Variants in UHRF2 observed in about 807,000 individuals in gnomAD.
UHRF2 encodes the protein E3 ubiquitin-protein ligase UHRF2.
Under a neutral mutation model 96.8 loss-of-function variants are expected in UHRF2, and 23 were observed. The ratio of observed to expected loss-of-function variants is 0.24; its 90% CI spans 0.17 to 0.34. The LOEUF is 0.34. Ranked by LOEUF, UHRF2 falls within the 10% of genes least tolerant of loss-of-function variation. The probability of loss-of-function intolerance (pLI) is 1.00; values close to 1 mark genes in which losing one functional copy is unlikely to be tolerated. For missense variants in UHRF2, 685 were observed against 981.5 expected (o/e 0.70, Z 4.04); for synonymous variants, 385 against 332.6 (o/e 1.16, Z -1.72).
chr9:6,460,146 A>G (rs1404471223), intron 3 of UHRF2, among the ~76,000 whole-genome samples: 1 of 152,268 alleles, frequency 6.6e-6, no homozygotes, highest in Non-Finnish European at 1.5e-5. Context: ...AAGTGCCATT[A>G]CAAATATTCA....
chr9:6,475,448 G>A lies in UHRF2; in HGVS notation c.921G>A (p.Lys307=). 1 of 1,592,778 alleles carries A rather than the reference G, an allele frequency of 6.3e-7. No individual in the cohort carries two copies. Among genetic ancestry groups the A allele is most frequent in the East Asian group, 2.3e-5 (1 of 44,080 alleles). ...TAATATCTGTAGATGAAATCTTCAAGATTGAGAGACCTGGAGCCCATCCCC... is the reference window on the plus strand; with the variant it reads ...TAATATCTGTAGATGAAATCTTCAAAATTGAGAGACCTGGAGCCCATCCCC... The part of the protein sequence containing the change: ...CKIISVDEIF[K]IERPGAHPLS... The change falls in exon 5 of 16, where the codon AAG becomes AAA. Residue 307 remains lysine, a synonymous_variant. Transcript: ENST00000276893.
intron 4 of UHRF2, among the ~76,000 whole-genome samples, chr9:6,463,618 A>G (rs1189001812): frequency 2.0e-5 from 3 of 151,894 alleles, no homozygotes; most frequent in Non-Finnish European, 1.5e-5. Context: ...CTACAGGCGC[A>G]TGCCACCATG....
intron 9 of UHRF2, among the ~76,000 whole-genome samples, chr9:6,491,294 T>C (rs140977224): frequency 5.9e-5 from 9 of 152,362 alleles, no homozygotes; most frequent in African/African-American, 2.2e-4. Flanking sequence ...GGCGATTTAC[T>C]GAACCTCTGC....
chr9:6,477,920 T>C, intron 6 of UHRF2, 112 bp downstream of exon 6: 1 of 942,332 alleles, frequency 1.1e-6, no homozygotes, highest in South Asian at 1.9e-5. Context: ...GTGCTTAAAA[T>C]GTTATGGCCA....
intron 4 of UHRF2, among the ~76,000 whole-genome samples, chr9:6,473,212 T>A (rs1242796863): frequency 6.6e-6 from 1 of 152,188 alleles, no homozygotes; most frequent in Non-Finnish European, 1.5e-5. Context: ...AAGCTCCCAC[T>A]GGTCAAAGAT....
chr9:6,466,501 C>G (rs1822865132), intron 4 of UHRF2, among the ~76,000 whole-genome samples: 2 of 142,268 alleles, frequency 1.4e-5, no homozygotes, highest in Non-Finnish European at 1.5e-5. Flanking sequence ...GATCACGCCA[C>G]TGTACTCCAG....
rs968546930 is a variant in UHRF2, at chr9:6,428,415, C to G, written c.385-5499C>G. 8.6e-5 allele frequency among the ~76,000 whole-genome samples: 13 copies of G among 151,640 alleles called. No homozygotes were observed. The South Asian group carries it at 2.5e-3, about 29-fold the overall frequency. On this transcript the variant is annotated intron_variant, in intron 2 of 15. Transcript: ENST00000276893. The stretch of plus-strand genomic sequence containing the variant: ...TAATCATTTCTTTGTTCTTTACTAA[C>G]TTTCTTATTAATATTAACCTTTAAC...
intron 14 of UHRF2, among the ~76,000 whole-genome samples, chr9:6,502,141 A>G (rs925867585): frequency 6.6e-6 from 1 of 152,238 alleles, no homozygotes; most frequent in Non-Finnish European, 1.5e-5. Context: ...GTGACTTTAA[A>G]TAAATACATA....
intron 9 of UHRF2, among the ~76,000 whole-genome samples, chr9:6,491,539 T>A (rs1824660055): frequency 6.6e-6 from 1 of 152,110 alleles, no homozygotes; most frequent in African/African-American, 2.4e-5. Flanking sequence ...GTTTGGAGAA[T>A]GTTTGTCTTC....
chr9:6,498,260 T>TG, intron 12 of UHRF2, 102 bp downstream of exon 12: 1 of 1,283,688 alleles, frequency 7.8e-7, no homozygotes, highest in Non-Finnish European at 1.1e-6. Context: ...AATTGACTGG[T>TG]GGACTATAAG....
Position 6,475,404 on chromosome 9 carries a change from A to T in UHRF2, c.877A>T (p.Thr293Ser), listed in dbSNP as rs1563788398. ...TTTTTTAAACAGGGGTTCTGAAGGA[A>T]CATTAAATGACTGCAAGATAATATC... Reference protein sequence around the residue: ...VKIFLGGSEGTLNDCKIISVD... With the variant: ...VKIFLGGSEGSLNDCKIISVD... Residue 293 changes from threonine to serine, a missense_variant, in exon 5 of 16, where the codon ACA becomes TCA. Thr to Ser is a moderately conservative substitution (Grantham distance 58, BLOSUM62 1). Transcript: ENST00000276893. The T allele has an allele frequency of 1.3e-6, 2 of 1,567,222 alleles. No homozygotes were observed. The highest frequency in any genetic ancestry group is 1.4e-5 in the African/African-American group (1 of 73,176).
chr9:6,444,358 G>A (rs918227422), intron 3 of UHRF2, among the ~76,000 whole-genome samples: 1 of 152,180 alleles, frequency 6.6e-6, no homozygotes, highest in African/African-American at 2.4e-5. Context: ...AGTTAGATAT[G>A]CATTTCATTT....
Position 6,443,343 on chromosome 9 carries a change from G to C in UHRF2, c.644+9170G>C, listed in dbSNP as rs892616825. Among the ~76,000 whole-genome samples the C allele has an allele frequency of 9.9e-5, 15 of 152,176 alleles. No individual in the cohort carries two copies. The East Asian group carries it at 2.9e-3, about 29-fold the overall frequency. Reference sequence around the variant, plus strand: ...GTAATCTTCATAGAAACTCAGTGAAGTGTAGATGTTTTCTTATGTGTAAAG... The same window carrying C: ...GTAATCTTCATAGAAACTCAGTGAACTGTAGATGTTTTCTTATGTGTAAAG... On this transcript the variant is annotated intron_variant, in intron 3 of 15. Transcript: ENST00000276893.
chr9:6,431,200 T>A (rs1318407815), intron 2 of UHRF2, among the ~76,000 whole-genome samples: 1 of 152,218 alleles, frequency 6.6e-6, no homozygotes, highest in Admixed American at 6.5e-5. Flanking sequence ...CTATCCAATG[T>A]GCAGAAAGTT....
chr9:6,456,117 T>C (rs1161482177), intron 3 of UHRF2, among the ~76,000 whole-genome samples: 1 of 152,264 alleles, frequency 6.6e-6, no homozygotes, highest in Non-Finnish European at 1.5e-5. Flanking sequence ...TTACATGGTT[T>C]TACTTTCTGA....
intron 8 of UHRF2, among the ~76,000 whole-genome samples, chr9:6,484,902 T>C (rs1428658580): frequency 6.8e-6 from 1 of 146,434 alleles, no homozygotes; most frequent in Non-Finnish European, 1.5e-5. Context: ...CAAGCAATTC[T>C]CCTGCCTCAG....
At position 6,421,037 on chromosome 9, in the gene UHRF2, T is replaced by C; in HGVS notation, c.279T>C (p.Ser93=). 2 of 1,614,178 alleles carry C rather than the reference T, an allele frequency of 1.2e-6. No individual in the cohort carries two copies. Among genetic ancestry groups the C allele is most frequent in the Non-Finnish European group, 8.5e-7 (1 of 1,180,016 alleles). Residue 93 remains serine, a synonymous_variant, in exon 2 of 16, where the codon TCT becomes TCC. Transcript: ENST00000276893. ...CACAGATTGAGGCTAAACCCTGTTC[T>C]AATAGTCCACCTAAAGTAAAGAAAG... ...TSTQIEAKPC[S]NSPPKVKKAP...
intron 3 of UHRF2, among the ~76,000 whole-genome samples, chr9:6,446,408 G>A (rs1413912676): frequency 6.6e-6 from 1 of 151,800 alleles, no homozygotes; most frequent in Non-Finnish European, 1.5e-5. Context: ...CTCCCAAAGT[G>A]CTGGGTTTAC....
chr9:6,488,540 C>CTTTTTTTT (rs58280407), intron 9 of UHRF2, among the ~76,000 whole-genome samples: 83 of 83,808 alleles, frequency 9.9e-4, no homozygotes, highest in African/African-American at 2.9e-3. Flanking sequence ...TTTTTCTTTT[C>CTTTTTTTT]TTTTTTTTTT....
Sources: allele counts gnomAD v4.1 joint callset (sites outside exome capture counted in the v4.1 genomes callset), GRCh38; gene constraint gnomAD v4.1.1; transcripts MANE v1.5; gene names NCBI Gene and HGNC (gene_info 2026-07-23, HGNC 2026-07-21).